CCSER1: variants seen among roughly 807,000 people sequenced by gnomAD.
The protein encoded by CCSER1 is serine-rich coiled-coil domain-containing protein 1.
In CCSER1, 41 loss-of-function variants were observed where a neutral mutation model predicts 82.0. The ratio of observed to expected loss-of-function variants is 0.50; its 90% CI spans 0.39 to 0.65. The LOEUF is 0.65. Ranked by LOEUF, CCSER1 falls within the 30% of genes least tolerant of loss-of-function variation. CCSER1 has a pLI of 0.00. For synonymous variants in CCSER1, 414 were observed against 383.9 expected (o/e 1.08, Z -0.92); for missense variants, 1,119 against 1,064.2 (o/e 1.05, Z -0.72).
At chr4:90,863,826 G>T (rs1250264022) in intron 8 of CCSER1, among the ~76,000 whole-genome samples, 1 of 151,650 alleles carries the variant, frequency 6.6e-6, no homozygotes, top group East Asian at 1.9e-4. Context: ...TGGCAGCATG[G>T]TAGTTCTATG....
intron 6 of CCSER1, among the ~76,000 whole-genome samples, chr4:90,705,101 G>A (rs62314437): frequency 0.17 from 25,933 of 152,064 alleles, 2,307 homozygotes; most frequent in Non-Finnish European, 0.19. Context: ...CATCTTTGTG[G>A]TTTTATCTAG....
At chr4:90,261,183 T>G (rs1193118296) in intron 1 of CCSER1, among the ~76,000 whole-genome samples, 2 of 152,104 alleles carry the variant, frequency 1.3e-5, no homozygotes, top group Non-Finnish European at 2.9e-5. Flanking sequence ...ACTGTGTTAT[T>G]GTTTTATAGG....
At chr4:90,526,478 C>A (rs1235912983) in intron 5 of CCSER1, among the ~76,000 whole-genome samples, 1 of 151,988 alleles carries the variant, frequency 6.6e-6, no homozygotes, top group Non-Finnish European at 1.5e-5. Context: ...TATACACGTG[C>A]CATGGTGGTT....
chr4:91,394,373 A>C (rs1181497522), intron 10 of CCSER1, among the ~76,000 whole-genome samples: 1 of 152,124 alleles, frequency 6.6e-6, no homozygotes, highest in Admixed American at 6.6e-5. Flanking sequence ...GGCCAATAAC[A>C]ATAATTAAAT....
At chr4:90,380,061 A>G (rs1578190599) in intron 3 of CCSER1, among the ~76,000 whole-genome samples, 1 of 152,184 alleles carries the variant, frequency 6.6e-6, no homozygotes, top group Admixed American at 6.5e-5. Context: ...GCCAACCCTC[A>G]TGATATAATT....
chr4:90,248,311 T>C (rs1428449626), intron 1 of CCSER1, among the ~76,000 whole-genome samples: 1 of 152,164 alleles, frequency 6.6e-6, no homozygotes, highest in Non-Finnish European at 1.5e-5. Context: ...ATAAAAGTAA[T>C]GATGAAAAGC....
intron 10 of CCSER1, among the ~76,000 whole-genome samples, chr4:91,166,555 A>G (rs1732097342): frequency 1.3e-5 from 2 of 152,368 alleles, no homozygotes; most frequent in South Asian, 2.1e-4. Context: ...TGAGGCTTAT[A>G]AAACAATATA....
chr4:91,380,227 A>C (rs1750774747), intron 10 of CCSER1, among the ~76,000 whole-genome samples: 1 of 152,168 alleles, frequency 6.6e-6, no homozygotes, highest in Admixed American at 6.5e-5. Context: ...TATTCTGTTG[A>C]TTTGGGGTGG....
intron 9 of CCSER1, among the ~76,000 whole-genome samples, chr4:90,979,745 G>A (rs548673788): frequency 1.1e-4 from 16 of 151,844 alleles, no homozygotes; most frequent in African/African-American, 3.6e-4. Context: ...TATTTGTCTG[G>A]TGATTAATCG....
chr4:90,175,409 C>A (rs1352763066), intron 1 of CCSER1, among the ~76,000 whole-genome samples: 1 of 151,810 alleles, frequency 6.6e-6, no homozygotes, highest in Non-Finnish European at 1.5e-5. Flanking sequence ...ATTGAGAAAC[C>A]TTTAGAGTTG....
intron 5 of CCSER1, among the ~76,000 whole-genome samples, chr4:90,591,341 A>C (rs1163736349): frequency 6.6e-6 from 1 of 152,144 alleles, no homozygotes; most frequent in African/African-American, 2.4e-5. Context: ...GTGGTGACAG[A>C]GGGCATCCTT....
chr4:90,668,639 T>C (rs1378281085), intron 6 of CCSER1, among the ~76,000 whole-genome samples: 1 of 152,134 alleles, frequency 6.6e-6, no homozygotes, highest in Non-Finnish European at 1.5e-5. Context: ...TAAATGTATT[T>C]TCAAATGCTT....
At chr4:90,536,475 T>A (rs937285572) in intron 5 of CCSER1, among the ~76,000 whole-genome samples, 1 of 152,234 alleles carries the variant, frequency 6.6e-6, no homozygotes, top group Admixed American at 6.5e-5. Flanking sequence ...TCCATGTTAA[T>A]GGCTTGCCCT....
rs372604157 is a variant in CCSER1, at chr4:91,114,368, C to T, written c.2217+28374C>T. Among the ~76,000 whole-genome samples, 435 of 152,162 alleles carry T rather than the reference C, an allele frequency of 2.9e-3. 3 individuals are homozygous for T. Among genetic ancestry groups the T allele is most frequent in the African/African-American group, 9.9e-3 (410 of 41,534 alleles). On this transcript the variant is annotated intron_variant, in intron 10 of 10. Transcript: ENST00000509176. ...ATGTTGATAATGTGACTTCCATTAT[C>T]AACACTTGGATCTTAAACACTTAGA...
At chr4:90,292,421 T>G (rs1471862843) in intron 1 of CCSER1, among the ~76,000 whole-genome samples, 1 of 151,954 alleles carries the variant, frequency 6.6e-6, no homozygotes, top group Non-Finnish European at 1.5e-5. Context: ...TGTCTAATCT[T>G]AATAATAGAG....
intron 8 of CCSER1, among the ~76,000 whole-genome samples, chr4:90,825,283 A>T (rs1471774811): frequency 6.6e-6 from 1 of 152,232 alleles, no homozygotes; most frequent in Admixed American, 6.5e-5. Context: ...GTTGAAATTA[A>T]TTTATACGTA....
chr4:90,749,419 C>T (rs897322370), intron 7 of CCSER1, among the ~76,000 whole-genome samples: 1 of 151,652 alleles, frequency 6.6e-6, no homozygotes, highest in African/African-American at 2.4e-5. Context: ...GTACCAGTAC[C>T]ATGCTGTTTT....
At chr4:91,354,958 C>G (rs1006369082) in intron 10 of CCSER1, among the ~76,000 whole-genome samples, 1 of 152,182 alleles carries the variant, frequency 6.6e-6, no homozygotes, top group African/African-American at 2.4e-5. Context: ...AGGATGTTTA[C>G]ACTAGGATCT....
chr4:90,822,650 C>T (rs1429933517), intron 8 of CCSER1, among the ~76,000 whole-genome samples: 1 of 149,228 alleles, frequency 6.7e-6, no homozygotes, highest in African/African-American at 2.5e-5. Flanking sequence ...ATCGTTTGAA[C>T]CTGGGAGGCG....
Sources: gnomAD v4.1 joint callset for allele counts (sites outside exome capture counted in the v4.1 genomes callset) on GRCh38, gnomAD v4.1.1 for gene constraint, MANE v1.5 for transcripts, NCBI Gene and HGNC (gene_info 2026-07-23, HGNC 2026-07-21) for gene names.